XKRX: variants seen among roughly 807,000 people sequenced by gnomAD.
XKRX encodes the protein XK-related protein 2.
Under a neutral mutation model 22.4 loss-of-function variants are expected in XKRX, and 11 were observed. The observed-to-expected ratio is 0.49, with a 90% CI of 0.31 to 0.81. The LOEUF is 0.81. XKRX is among the 40% of genes least tolerant of loss of function. XKRX has a pLI of 0.05. For missense variants in XKRX, 320 were observed against 336.5 expected, an observed-to-expected ratio of 0.95 and a Z score of 0.38; for synonymous variants, 114 against 132.2, an observed-to-expected ratio of 0.86 and a Z score of 0.94.
rs935993957 is a variant in XKRX at position 100,916,068 on chromosome X, TAA to T, written c.605-987_605-986del. On this transcript the variant is annotated intron_variant, in intron 2 of 2. Transcript: ENST00000372956. Reference sequence around the variant, plus strand: ...TGAAATTTTTAAAGAGAGTAGATCTTAAGTTTTACCACACACACACACACACA... The same window carrying T: ...TGAAATTTTTAAAGAGAGTAGATCTTGTTTTACCACACACACACACACACA... 1.9e-4 allele frequency among the ~76,000 whole-genome samples: 16 copies of T among 83,495 alleles called. 1 individual carries two copies. The Middle Eastern group carries it at 0.025, about 132-fold the overall frequency. The allele number at this position is 83,495 out of a possible 115,157, so 72.5% of individuals were successfully genotyped here.
chrX:100,904,965 C>A, the XKRX span, among the ~76,000 whole-genome samples: 1 of 111,838 alleles, frequency 8.9e-6, no homozygotes, highest in Non-Finnish European at 1.9e-5. Context: ...CGCCTTTTGC[C>A]TGTTTTCTGT....
chrX:100,943,139 TTTAG>T, the XKRX span, among the ~76,000 whole-genome samples: 2 of 111,677 alleles, frequency 1.8e-5, no homozygotes, highest in Non-Finnish European at 3.8e-5. Flanking sequence ...TGTGTGTGTA[TTTAG>T]TGAGAGCTCT....
upstream of XKRX, among the ~76,000 whole-genome samples, chrX:100,929,695 A>C (rs2085514633): frequency 9.0e-6 from 1 of 111,534 alleles, no homozygotes; most frequent in South Asian, 3.8e-4. Context: ...AGACACTGAA[A>C]GCTCATATTT....
At chrX:100,951,234 CAAAAAAAAAA>C in the XKRX span, among the ~76,000 whole-genome samples, 6 of 25,482 alleles carry the variant, frequency 2.4e-4, no homozygotes, top group Non-Finnish European at 1.4e-4. Context: ...GGCTCCATCG[CAAAAAAAAAA>C]AAAAAAAAAA....
chrX:100,945,014 A>G, the XKRX span, among the ~76,000 whole-genome samples: 1 of 111,436 alleles, frequency 9.0e-6, no homozygotes, highest in East Asian at 2.8e-4. Context: ...TTTCTATAGC[A>G]GTCTGTAATA....
At chrX:100,888,255 T>G in the XKRX span, 1 of 778,295 alleles carries the variant, frequency 1.3e-6, no homozygotes, top group Non-Finnish European at 2.0e-6. Flanking sequence ...GTGTTTTCTT[T>G]AATGCCACCA....
At chrX:100,888,495 G>A in the XKRX span, 1 of 800,585 alleles carries the variant, frequency 1.2e-6, no homozygotes, top group Non-Finnish European at 1.9e-6. Flanking sequence ...CGCTCAAAAT[G>A]GCTCCTCAGG....
At position 100,913,581 on chromosome X, in the gene XKRX, G is replaced by T; in HGVS notation, c.*757C>A. 1 of 112,424 alleles carries T rather than the reference G, an allele frequency of 8.9e-6. No homozygotes were observed. Among genetic ancestry groups the T allele is most frequent in the Non-Finnish European group, 1.9e-5 (1 of 53,239 alleles). The allele number at this position is 112,424 out of a possible 1,213,427, so 9.3% of individuals were successfully genotyped here. A position where few individuals can be genotyped will look rare whatever the true frequency, so the allele number is the denominator to read the frequency against. ...GTTGGAGGAAATCTCTGCTAATGAG[G>T]CACTAAGTGAGAGGCTTCACTTAAC... is the stretch of plus-strand genomic sequence containing the variant. On this transcript the variant is annotated 3_prime_UTR_variant, in exon 3 of 3. Transcript: ENST00000372956.
the XKRX span, among the ~76,000 whole-genome samples, chrX:100,901,645 A>G: frequency 2.7e-5 from 3 of 112,030 alleles, no homozygotes; most frequent in African/African-American, 9.7e-5. Context: ...TTTACAAAAC[A>G]CTTCACCCAA....
chrX:100,922,259 G>A (rs2085476949), intron 2 of XKRX, among the ~76,000 whole-genome samples: 1 of 111,919 alleles, frequency 8.9e-6, no homozygotes, highest in African/African-American at 3.2e-5. Flanking sequence ...TCAAGTCTGG[G>A]GAGTGAATAT....
downstream of XKRX, among the ~76,000 whole-genome samples, chrX:100,913,058 C>G (rs1214789147): frequency 1.8e-5 from 2 of 109,436 alleles, no homozygotes; most frequent in Non-Finnish European, 3.8e-5. Flanking sequence ...ATTAGCCATG[C>G]ATGGTGGCGG....
At chrX:100,910,188 T>C (rs781194500), downstream of XKRX, among the ~76,000 whole-genome samples, 1 of 111,430 alleles carries the variant, frequency 9.0e-6, no homozygotes, top group South Asian at 3.8e-4. Flanking sequence ...CCAAACTTCA[T>C]AGTTATGTCT....
downstream of XKRX, among the ~76,000 whole-genome samples, chrX:100,912,771 C>T (rs770404406): frequency 4.5e-5 from 5 of 112,038 alleles, no homozygotes; most frequent in East Asian, 8.4e-4. Flanking sequence ...AGGTAGCTGG[C>T]TGACATTCCT....
the XKRX span, among the ~76,000 whole-genome samples, chrX:100,952,161 A>G: frequency 5.4e-5 from 6 of 111,125 alleles, no homozygotes; most frequent in Non-Finnish European, 1.1e-4. Context: ...ATATTTGAAA[A>G]TCAATGTAAT....
chrX:100,898,557 G>T, the XKRX span, among the ~76,000 whole-genome samples: 1 of 104,523 alleles, frequency 9.6e-6, no homozygotes, highest in Non-Finnish European at 1.9e-5. Context: ...ATACCGAGGG[G>T]AATAATGGAT....
downstream of XKRX, among the ~76,000 whole-genome samples, chrX:100,909,728 A>T (rs1444273749): frequency 4.5e-5 from 5 of 110,413 alleles, no homozygotes; most frequent in Non-Finnish European, 9.5e-5. Context: ...ACATGGTGAA[A>T]CCCCATCTCT....
chrX:100,957,437 T>C, the XKRX span: 1 of 1,195,679 alleles, frequency 8.4e-7, no homozygotes, highest in Non-Finnish European at 1.1e-6. Flanking sequence ...AAGCCATAAA[T>C]GAGGCCTCTC....
chrX:100,936,540 C>CAAAAAAAAAAAAAAAAAAAAAAAAAAAAA, the XKRX span, among the ~76,000 whole-genome samples: 13 of 25,402 alleles, frequency 5.1e-4, no homozygotes, highest in Middle Eastern at 0.067. Flanking sequence ...GACTCTGTCT[C>CAAAAAAAAAAAAAAAAAAAAAAAAAAAAA]AAAAAAAAAA....
the XKRX span, chrX:100,887,696 T>C: frequency 2.1e-5 from 14 of 675,502 alleles, no homozygotes; most frequent in Non-Finnish European, 3.3e-5. Flanking sequence ...GCCACTGTGG[T>C]TTGGTGGTTT....
Sources: gnomAD v4.1 joint callset for allele counts (sites outside exome capture counted in the v4.1 genomes callset) on GRCh38, gnomAD v4.1.1 for gene constraint, MANE v1.5 for transcripts, NCBI Gene and HGNC (gene_info 2026-07-23, HGNC 2026-07-21) for gene names.